Variants in PDE8A observed in about 807,000 individuals in gnomAD.
The protein encoded by PDE8A is phosphodiesterase 8A, also known as high affinity cAMP-specific and IBMX-insensitive 3',5'-cyclic phosphodiesterase 8A.
A neutral mutation model predicts 105.0 loss-of-function variants in PDE8A; 59 were observed. That is an observed-to-expected ratio of 0.56 (90% CI 0.46 to 0.70). The LOEUF (loss-of-function observed/expected upper bound fraction) is 0.70, where lower values mean the gene tolerates loss of function less well. PDE8A is among the 30% of genes least tolerant of loss of function. The pLI, the probability that PDE8A is intolerant of heterozygous loss-of-function variation, is 0.00. For missense variants in PDE8A, 1,014 were observed against 1,045.9 expected (o/e 0.97, Z 0.42); for synonymous variants, 355 against 371.9 (o/e 0.95, Z 0.52).
chr15:85,054,967 C>G (rs1389074055), intron 1 of PDE8A, among the ~76,000 whole-genome samples: 2 of 152,130 alleles, frequency 1.3e-5, no homozygotes, highest in African/African-American at 2.4e-5. Context: ...AAATTTCCCT[C>G]TACACACTGC....
chr15:85,136,473 TGCCCCTA>T, intron 20 of PDE8A, 54 bp from the exon 21 acceptor site: 1 of 1,549,138 alleles, frequency 6.5e-7, no homozygotes, highest in Admixed American at 1.8e-5. Context: ...GGGGAGGGGC[TGCCCCTA>T]GGTGGAGTGG....
chr15:85,043,336 C>G (rs1042559347), intron 1 of PDE8A, among the ~76,000 whole-genome samples: 1 of 152,142 alleles, frequency 6.6e-6, no homozygotes, highest in Non-Finnish European at 1.5e-5. Flanking sequence ...TTCATTCTGA[C>G]AGATGAATAG....
chr15:85,086,205 G>A (rs1320077189), intron 6 of PDE8A, among the ~76,000 whole-genome samples: 1 of 152,062 alleles, frequency 6.6e-6, no homozygotes, highest in Non-Finnish European at 1.5e-5. Flanking sequence ...ACTTAAATGT[G>A]AAAAAGTAGG....
intron 7 of PDE8A, among the ~76,000 whole-genome samples, chr15:85,090,252 T>C (rs1383152844): frequency 6.6e-6 from 1 of 152,230 alleles, no homozygotes; most frequent in Non-Finnish European, 1.5e-5. Flanking sequence ...CTTTCTCATC[T>C]GTGGAAATGG....
chr15:85,020,836 T>C (rs954176661), intron 1 of PDE8A, among the ~76,000 whole-genome samples: 3 of 152,152 alleles, frequency 2.0e-5, no homozygotes, highest in Non-Finnish European at 4.4e-5. Context: ...ATCCCTTCAG[T>C]GTGTTAATTC....
chr15:85,107,357 G>T (rs978943707), intron 11 of PDE8A, among the ~76,000 whole-genome samples: 1 of 152,226 alleles, frequency 6.6e-6, no homozygotes, highest in African/African-American at 2.4e-5. Context: ...AGACAAGGAT[G>T]AGCCATTGAA....
chr15:85,126,321 C>G lies in PDE8A; in HGVS notation c.2200C>G (p.Leu734Val), dbSNP rs1026451508. The G allele has an allele frequency of 6.2e-7, 1 of 1,612,072 alleles. No homozygotes were observed. Reference sequence around the variant, plus strand: ...TGATGTGTCCAATCCCTGCCGACCCCTGCAGTACTGCATCGAGTGGGCTGC... The same window carrying G: ...TGATGTGTCCAATCCCTGCCGACCCGTGCAGTACTGCATCGAGTGGGCTGC... ...CADVSNPCRPLQYCIEWAARI... is the reference protein window; with the variant it reads ...CADVSNPCRPVQYCIEWAARI... Residue 734 changes from leucine to valine, a missense_variant, in exon 20 of 22, where the codon CTG becomes GTG. Leu to Val is a conservative substitution (Grantham distance 32). Transcript: ENST00000394553.
chr15:85,072,053 A>G (rs1299719114), intron 3 of PDE8A, among the ~76,000 whole-genome samples: 1 of 152,232 alleles, frequency 6.6e-6, no homozygotes, highest in Non-Finnish European at 1.5e-5. Context: ...ACGCATTAAC[A>G]GAATTAAAAT....
At chr15:85,066,819 G>C (rs935756316) in intron 2 of PDE8A, among the ~76,000 whole-genome samples, 195 bp from the exon 3 acceptor site, 3 of 151,930 alleles carry the variant, frequency 2.0e-5, no homozygotes, top group African/African-American at 7.3e-5. Context: ...TGTGCCTGTG[G>C]CCCAACTACT....
At chr15:84,987,420 T>C (rs1366187778) in intron 1 of PDE8A, among the ~76,000 whole-genome samples, 1 of 151,560 alleles carries the variant, frequency 6.6e-6, no homozygotes, top group East Asian at 1.9e-4. Flanking sequence ...TGAAGTGGCT[T>C]ATGACTGGTT....
chr15:85,109,096 A>G lies in PDE8A; in HGVS notation c.1080A>G (p.Leu360=). ...ATAAAGACAGGAGAAAAGGCTCACTAGACGTCAAAGCTGTTGCCTCCCGTG... is the reference window on the plus strand; with the variant it reads ...ATAAAGACAGGAGAAAAGGCTCACTGGACGTCAAAGCTGTTGCCTCCCGTG... The part of the protein sequence containing the change: ...GKHKDRRKGS[L]DVKAVASRAT... The change falls in exon 12 of 22, where the codon CTA becomes CTG. Residue 360 remains leucine (L), a synonymous_variant. Transcript: ENST00000394553. The G allele has an allele frequency of 6.2e-7, 1 of 1,612,132 alleles. No homozygotes were observed. The highest frequency in any genetic ancestry group is 8.5e-7 in the Non-Finnish European group (1 of 1,178,542).
At chr15:85,128,148 A>C (rs1606119) in intron 20 of PDE8A, among the ~76,000 whole-genome samples, 103,242 of 151,566 alleles carry the variant, frequency 0.68, 35,903 homozygotes, top group East Asian at 0.92. Flanking sequence ...TAAAGCTTTT[A>C]GAGAGAAACA....
chr15:85,031,440 T>G (rs138787311), intron 1 of PDE8A, among the ~76,000 whole-genome samples: 36 of 152,298 alleles, frequency 2.4e-4, no homozygotes, highest in Non-Finnish European at 4.6e-4. Context: ...CGTGGACCTT[T>G]GGCTCTCTGC....
At chr15:85,100,783 C>G (rs9920027) in intron 11 of PDE8A, among the ~76,000 whole-genome samples, 117,055 of 152,088 alleles carry the variant, frequency 0.77, 45,608 homozygotes, top group East Asian at 0.95. Flanking sequence ...GATGGTGAAG[C>G]GCCACTCCAG....
intron 4 of PDE8A, among the ~76,000 whole-genome samples, chr15:85,076,225 A>G (rs911785777): frequency 1.9e-4 from 29 of 152,188 alleles, no homozygotes; most frequent in Non-Finnish European, 2.9e-4. Context: ...TCTAACTCCA[A>G]ATATCTCTGA....
chr15:85,133,416 CGG>C (rs1408532980), intron 20 of PDE8A, among the ~76,000 whole-genome samples: 2 of 152,184 alleles, frequency 1.3e-5, no homozygotes, highest in African/African-American at 4.8e-5. Context: ...CTGCTCCCTC[CGG>C]TTCAAGGGAC....
At chr15:85,012,965 G>A (rs549702801) in intron 1 of PDE8A, among the ~76,000 whole-genome samples, 1 of 152,300 alleles carries the variant, frequency 6.6e-6, no homozygotes, top group South Asian at 2.1e-4. Flanking sequence ...CTGATCCACT[G>A]TTAACTCTAA....
At chr15:85,004,556 G>A (rs1307229442) in intron 1 of PDE8A, among the ~76,000 whole-genome samples, 1 of 152,210 alleles carries the variant, frequency 6.6e-6, no homozygotes, top group East Asian at 1.9e-4. Flanking sequence ...CCTGGACTCT[G>A]CGTTAGCATG....
At chr15:85,106,691 C>G (rs1283148679) in intron 11 of PDE8A, among the ~76,000 whole-genome samples, 1 of 152,118 alleles carries the variant, frequency 6.6e-6, no homozygotes, top group Non-Finnish European at 1.5e-5. Flanking sequence ...AAGGCTGTTC[C>G]AGAGATGGAA....
Sources: gnomAD v4.1 joint callset for allele counts (sites outside exome capture counted in the v4.1 genomes callset) on GRCh38, gnomAD v4.1.1 for gene constraint, MANE v1.5 for transcripts, NCBI Gene and HGNC (gene_info 2026-07-23, HGNC 2026-07-21) for gene names.